Variants in ZFHX4 observed in about 807,000 individuals in gnomAD.
ZFHX4 encodes zinc finger homeobox protein 4.
A neutral mutation model predicts 267.6 loss-of-function variants in ZFHX4; 56 were observed. That is an observed-to-expected ratio of 0.21 (90% confidence interval 0.17 to 0.26). ZFHX4 has a LOEUF of 0.26. Ranked by LOEUF, ZFHX4 falls within the 10% of genes least tolerant of loss-of-function variation. The pLI is 1.00. For synonymous variants in ZFHX4, 1,778 were observed against 1,665.6 expected, an observed-to-expected ratio of 1.07 and a Z score of -1.64; for missense variants, 4,332 against 4,420.0, an observed-to-expected ratio of 0.98 and a Z score of 0.56.
chr8:76,737,064 T>G (rs1809180803), intron 3 of ZFHX4, among the ~76,000 whole-genome samples: 1 of 152,182 alleles, frequency 6.6e-6, no homozygotes, highest in African/African-American at 2.4e-5. Flanking sequence ...TTCTTAGAAT[T>G]TAAACACTTG....
intron 4 of ZFHX4, among the ~76,000 whole-genome samples, chr8:76,785,995 C>A (rs1442388995): frequency 6.6e-6 from 1 of 152,076 alleles, no homozygotes; most frequent in Non-Finnish European, 1.5e-5. Context: ...TTCCTCAACT[C>A]ACGTAATTCT....
chr8:76,689,456 C>T (rs1040256234), intron 1 of ZFHX4, among the ~76,000 whole-genome samples: 4 of 152,128 alleles, frequency 2.6e-5, no homozygotes, highest in Non-Finnish European at 4.4e-5. Flanking sequence ...CAGATGGACA[C>T]ATGTGAGAAC....
At chr8:76,859,069 G>A (rs1236757599) in intron 10 of ZFHX4, among the ~76,000 whole-genome samples, 3 of 152,182 alleles carry the variant, frequency 2.0e-5, no homozygotes, top group East Asian at 1.9e-4. Flanking sequence ...AAAAATGTTC[G>A]GTTTTAGTAT....
At chr8:76,836,771 A>C (rs2733734) in intron 5 of ZFHX4, among the ~76,000 whole-genome samples, 84,455 of 151,808 alleles carry the variant, frequency 0.56, 24,967 homozygotes, top group African/African-American at 0.77. Context: ...GAATAAATTA[A>C]AGGAACACAA....
rs960190028 is a variant in ZFHX4, at chr8:76,866,674, C to T, written c.*2109C>T. On this transcript the variant is annotated 3_prime_UTR_variant, in exon 11 of 11. Coordinates refer to ENST00000651372, the MANE Select transcript of ZFHX4 (RefSeq NM_024721.5). ...GATCGATCTGTCCTGGCAGTTAACA[C>T]GATGTGCAACAGTGTGTTAGCATGG... 5.9e-5 allele frequency: 9 copies of T among 152,090 alleles called. No individual in the cohort carries two copies. The highest frequency in any genetic ancestry group is 1.9e-4 in the East Asian group (1 of 5,164). The allele number at this position is 152,090 out of a possible 1,614,324, so 9.4% of individuals were successfully genotyped here.
At chr8:76,862,976 A>T (rs1278945049) in intron 10 of ZFHX4, 118 bp from the exon 11 acceptor site, 16 of 1,379,878 alleles carry the variant, frequency 1.2e-5, no homozygotes, top group Non-Finnish European at 1.5e-5. Context: ...TATTGTGTGT[A>T]ATACATCTTT....
intron 3 of ZFHX4, among the ~76,000 whole-genome samples, chr8:76,709,009 G>A (rs931593562): frequency 2.0e-5 from 3 of 152,154 alleles, no homozygotes; most frequent in African/African-American, 7.2e-5. Context: ...TTTTGCAAGT[G>A]TTGTCTATTG....
chr8:76,743,343 C>T (rs1809372126), intron 3 of ZFHX4, among the ~76,000 whole-genome samples: 1 of 152,210 alleles, frequency 6.6e-6, no homozygotes, highest in Non-Finnish European at 1.5e-5. Flanking sequence ...GCATGCCAAA[C>T]ATGTGCCAGA....
At position 76,853,816 on chromosome 8, in the gene ZFHX4, C is replaced by T. The variant is rs1308596597; in HGVS notation, c.6895C>T (p.Leu2299Phe). ...AACAAAAGATAATGAAAAAAGAGAA[C>T]TCACTAATGAACGGTACATTCGAAC... ...AETKDNEKRE[L>F]TNERYIRTSN... is the part of the protein sequence containing the mutation. Residue 2299 changes from leucine (L) to phenylalanine (F), a missense_variant, in exon 10 of 11, where the codon CTC (leucine) becomes TTC (phenylalanine). Physicochemically the swap from Leu to Phe is conservative, Grantham distance 22. Transcript: ENST00000651372. 7 of 1,613,792 alleles carry T rather than the reference C, an allele frequency of 4.3e-6. No homozygotes were observed. The highest frequency in any genetic ancestry group is 3.3e-5 in the Admixed American group (2 of 59,998).
At position 76,704,854 on chromosome 8, in the gene ZFHX4, G is replaced by T; in HGVS notation, c.766G>T (p.Val256Phe). Residue 256 changes from valine (V) to phenylalanine (F), a missense_variant, in exon 2 of 11, where the codon GTC becomes TTC. Physicochemically the swap from Val to Phe is conservative, Grantham distance 50. Around this residue, in one of 7 missense-constraint regions of ZFHX4, gnomAD observed 1,195 missense variants for 1,173.6 expected, o/e 1.02. Transcript: ENST00000651372. ...CAAAAACTCCTGTGTGTCCAAAGATGTCCCTAACAATGTGGACTTGTCCAA... is the reference window on the plus strand; with the variant it reads ...CAAAAACTCCTGTGTGTCCAAAGATTTCCCTAACAATGTGGACTTGTCCAA... ...SAKNSCVSKD[V>F]PNNVDLSKFD... 1 of 1,614,200 alleles carries T rather than the reference G, an allele frequency of 6.2e-7. No individual in the cohort carries two copies. The highest frequency in any genetic ancestry group is 8.5e-7 in the Non-Finnish European group (1 of 1,180,030).
At position 76,853,244 on chromosome 8, in the gene ZFHX4, A is replaced by G; in HGVS notation, c.6323A>G (p.Asp2108Gly). The stretch of plus-strand genomic sequence containing the variant: ...CCACAGATGGACGCACTCTCTGCAG[A>G]CCTCACCCAACTTTGCCAGCAGCAG... The part of the protein sequence containing the change: ...QLPQMDALSA[D>G]LTQLCQQQLG... The change falls in exon 10 of 11, where the codon GAC becomes GGC. Residue 2108 changes from aspartate (D) to glycine (G), a missense_variant. Transcript: ENST00000651372. 1 of 1,583,200 alleles carries G rather than the reference A, an allele frequency of 6.3e-7. No individual in the cohort carries two copies. Among genetic ancestry groups the G allele is most frequent in the Non-Finnish European group, 8.6e-7 (1 of 1,164,130 alleles).
intron 5 of ZFHX4, among the ~76,000 whole-genome samples, chr8:76,836,395 T>TA (rs1812093669): frequency 1.3e-5 from 2 of 152,122 alleles, no homozygotes; most frequent in African/African-American, 4.8e-5. Flanking sequence ...GTGATTCTGC[T>TA]AAAATCTGAG....
intron 4 of ZFHX4, 52 bp downstream of exon 4, chr8:76,778,491 TCACACACA>T: frequency 7.7e-7 from 1 of 1,291,134 alleles, no homozygotes; most frequent in Non-Finnish European, 1.1e-6. Context: ...CACCACTTCA[TCACACACA>T]CACACACACA....
chr8:76,720,437 C>T (rs576112431), intron 3 of ZFHX4, among the ~76,000 whole-genome samples: 1 of 152,162 alleles, frequency 6.6e-6, no homozygotes, highest in Non-Finnish European at 1.5e-5. Flanking sequence ...GGGTCGTTTC[C>T]ACTTGTTGTC....
intron 3 of ZFHX4, among the ~76,000 whole-genome samples, chr8:76,756,147 G>GGCCA (rs1022967310): frequency 6.6e-6 from 1 of 152,136 alleles, no homozygotes; most frequent in Non-Finnish European, 1.5e-5. Flanking sequence ...GTCTTTTCAA[G>GGCCA]GCCATCATGT....
At chr8:76,715,656 AC>A (rs1808552685) in intron 3 of ZFHX4, among the ~76,000 whole-genome samples, 1 of 152,074 alleles carries the variant, frequency 6.6e-6, no homozygotes, top group Non-Finnish European at 1.5e-5. Flanking sequence ...TATTGTAATG[AC>A]CAGTTACAGT....
chr8:76,828,267 AT>A lies in ZFHX4; in HGVS notation c.3326-5058del, dbSNP rs745943220. 5.9e-3 allele frequency among the ~76,000 whole-genome samples: 856 copies of A among 144,640 alleles called. 3 individuals are homozygous for A. The highest frequency in any genetic ancestry group is 9.9e-3 in the African/African-American group (396 of 39,866). The allele number at this position is 144,640 out of a possible 152,430, so 94.9% of individuals were successfully genotyped here. A position where few individuals can be genotyped will look rare whatever the true frequency, so the allele number is the denominator to read the frequency against. On this transcript the variant is annotated intron_variant, in intron 4 of 10. Transcript: ENST00000651372. ...AATTTGCTTTGAAGCGATGTGAGCT[AT>A]TTTTTTTTTTTTAGGAGGAAAATAA...
At chr8:76,690,842 C>A (rs2131583048) in intron 1 of ZFHX4, among the ~76,000 whole-genome samples, 1 of 152,048 alleles carries the variant, frequency 6.6e-6, no homozygotes, top group South Asian at 2.1e-4. Flanking sequence ...GGCTAAACTT[C>A]TTTCATCTTC....
intron 3 of ZFHX4, among the ~76,000 whole-genome samples, chr8:76,745,330 T>C (rs1244171337): frequency 2.6e-5 from 4 of 152,146 alleles, no homozygotes; most frequent in Non-Finnish European, 5.9e-5. Context: ...AGCCCATAAT[T>C]TGTAAATGCA....
Sources: gnomAD v4.1 joint callset for allele counts (sites outside exome capture counted in the v4.1 genomes callset) on GRCh38, gnomAD v4.1.1 for gene constraint, gnomAD v4.1.1 regional missense constraint, MANE v1.5 for transcripts, NCBI Gene and HGNC (gene_info 2026-07-23, HGNC 2026-07-21) for gene names.